DIAPH3: variants seen among roughly 807,000 people sequenced by gnomAD.
The protein encoded by DIAPH3 is protein diaphanous homolog 3.
A neutral mutation model predicts 144.3 loss-of-function variants in DIAPH3; 117 were observed. The ratio of observed to expected loss-of-function variants is 0.81; its 90% confidence interval spans 0.70 to 0.95. The LOEUF is 0.95. Among genes scored for constraint, DIAPH3 ranks in the 40% least tolerant of loss-of-function variants. The probability of loss-of-function intolerance (pLI) is 0.00; values close to 1 mark genes in which losing one functional copy is unlikely to be tolerated. For missense variants in DIAPH3, 1,421 were observed against 1,412.7 expected (o/e 1.01, Z -0.09); for synonymous variants, 519 against 488.9 (o/e 1.06, Z -0.81).
chr13:59,883,079 T>G (rs1388914866), intron 20 of DIAPH3, among the ~76,000 whole-genome samples: 1 of 152,138 alleles, frequency 6.6e-6, no homozygotes, highest in Non-Finnish European at 1.5e-5. Flanking sequence ...AAAAGACCTT[T>G]AGAAAAATCA....
chr13:59,745,358 A>G (rs1354909196), intron 27 of DIAPH3, among the ~76,000 whole-genome samples: 1 of 152,240 alleles, frequency 6.6e-6, no homozygotes, highest in Admixed American at 6.5e-5. Context: ...GTATATCTGG[A>G]GAATGATATT....
intron 27 of DIAPH3, among the ~76,000 whole-genome samples, chr13:59,690,559 G>A (rs1349456520): frequency 6.6e-6 from 1 of 152,152 alleles, no homozygotes; most frequent in East Asian, 1.9e-4. Flanking sequence ...CAACTGCATA[G>A]TGTTACAGCT....
intron 17 of DIAPH3, among the ~76,000 whole-genome samples, chr13:59,953,446 C>A (rs989665325): frequency 1.3e-5 from 2 of 152,126 alleles, no homozygotes; most frequent in African/African-American, 2.4e-5. Context: ...AGGACAGGGG[C>A]AGAATCCAGG....
At chr13:59,826,519 A>G (rs913953686) in intron 24 of DIAPH3, among the ~76,000 whole-genome samples, 56 of 149,978 alleles carry the variant, frequency 3.7e-4, no homozygotes, top group African/African-American at 1.3e-3. Context: ...CCACTGCTCA[A>G]GGAAATAAAA....
chr13:60,006,610 T>C (rs760289819), intron 9 of DIAPH3, among the ~76,000 whole-genome samples: 4 of 149,008 alleles, frequency 2.7e-5, no homozygotes, highest in Non-Finnish European at 6.0e-5. Context: ...AGGAAAGACA[T>C]AAAAAATAGA....
intron 3 of DIAPH3, among the ~76,000 whole-genome samples, chr13:60,103,627 A>C (rs983582240): frequency 3.9e-5 from 6 of 152,248 alleles, no homozygotes; most frequent in Non-Finnish European, 1.5e-5. Flanking sequence ...ATTTATTCCT[A>C]TTAAGTCAAC....
rs948501248 is a variant in DIAPH3, at chr13:59,714,220, C to T, written c.3320-47374G>A. Among the ~76,000 whole-genome samples the T allele has an allele frequency of 4.6e-5, 7 of 151,238 alleles. 1 individual carries two copies. In the South Asian group the frequency reaches 8.5e-4, roughly 18 times the overall value. ...CTAAAAATACAAAAAATTAGCCGGG[C>T]GTAGTGGCGGGCGCCTGTAGTCCCA... is the stretch of plus-strand genomic sequence containing the variant. On this transcript the variant is annotated intron_variant, in intron 27 of 27. Transcript: ENST00000400324.
chr13:59,812,395 A>AG (rs2040533127), intron 24 of DIAPH3, among the ~76,000 whole-genome samples: 1 of 152,114 alleles, frequency 6.6e-6, no homozygotes, highest in Non-Finnish European at 1.5e-5. Flanking sequence ...GGGAGAAAAA[A>AG]AAAGAGAGAG....
rs1952304057 is a variant in DIAPH3 at position 60,161,748 on chromosome 13, T to A, written c.180+1839A>T. Among the ~76,000 whole-genome samples the A allele has an allele frequency of 2.0e-5, 3 of 151,920 alleles. No individual in the cohort carries two copies. In the South Asian group the frequency reaches 6.2e-4, roughly 32 times the overall value. On this transcript the variant is annotated intron_variant, in intron 1 of 27. Coordinates refer to ENST00000400324, the MANE Select transcript of DIAPH3 (RefSeq NM_001042517.2). ...AACAGCAGAACTGTCAAATAAAGAA[T>A]AAGAACAATCAAGTAGGAAATGTCT...
intron 27 of DIAPH3, among the ~76,000 whole-genome samples, chr13:59,744,596 C>G (rs2036616507): frequency 6.6e-6 from 1 of 152,062 alleles, no homozygotes; most frequent in Non-Finnish European, 1.5e-5. Context: ...TCTTCTTCTT[C>G]CAATGTGGCC....
At chr13:60,012,933 T>C (rs2053374375) in intron 7 of DIAPH3, 1 of 912,838 alleles carries the variant, frequency 1.1e-6, no homozygotes, top group African/African-American at 1.8e-5. Context: ...CAATTACTAC[T>C]ACTCAGTATC....
At chr13:59,678,780 A>G (rs1008816215) in intron 27 of DIAPH3, among the ~76,000 whole-genome samples, 2 of 152,240 alleles carry the variant, frequency 1.3e-5, no homozygotes, top group African/African-American at 2.4e-5. Flanking sequence ...ACAAAACTCT[A>G]TATTATTTTT....
intron 17 of DIAPH3, among the ~76,000 whole-genome samples, chr13:59,938,274 T>C (rs562749308): frequency 2.0e-5 from 3 of 152,318 alleles, no homozygotes; most frequent in South Asian, 4.2e-4. Context: ...TATGTTATCT[T>C]ACCTTCTGGC....
At chr13:59,748,115 T>C (rs556198870) in intron 27 of DIAPH3, among the ~76,000 whole-genome samples, 2 of 152,134 alleles carry the variant, frequency 1.3e-5, no homozygotes, top group African/African-American at 4.8e-5. Context: ...TGGAACAACG[T>C]TGGTAGAGTT....
At position 60,042,742 on chromosome 13, in the gene DIAPH3, G is replaced by A; in HGVS notation, c.574C>T (p.Leu192Phe). 1.9e-6 allele frequency: 3 copies of A among 1,613,766 alleles called. No homozygotes were observed. Among genetic ancestry groups the A allele is most frequent in the South Asian group, 2.2e-5 (2 of 91,062 alleles). The stretch of plus-strand genomic sequence containing the variant: ...CGGAGAGACTCCAGGCATGTGACAA[G>A]TCTCTCATCTGCAGACCCCATTTTC... ...ELKMGSADER[L>F]VTCLESLRVS... Residue 192 changes from leucine to phenylalanine, a missense_variant, in exon 5 of 28, where the codon CTT (leucine) becomes TTT (phenylalanine). Coordinates refer to ENST00000400324, the MANE Select transcript of DIAPH3 (RefSeq NM_001042517.2).
At chr13:59,925,960 T>G (rs2047731879) in intron 17 of DIAPH3, among the ~76,000 whole-genome samples, 1 of 152,128 alleles carries the variant, frequency 6.6e-6, no homozygotes, top group Non-Finnish European at 1.5e-5. Context: ...ATAAAACAAC[T>G]TTTCATTTGT....
intron 5 of DIAPH3, among the ~76,000 whole-genome samples, chr13:60,030,220 T>C (rs1388772229): frequency 6.6e-6 from 1 of 152,202 alleles, no homozygotes; most frequent in African/African-American, 2.4e-5. Flanking sequence ...TATATGCTTC[T>C]CTTTTACTGT....
intron 4 of DIAPH3, among the ~76,000 whole-genome samples, chr13:60,087,927 G>A (rs537031970): frequency 1.3e-5 from 2 of 152,310 alleles, no homozygotes; most frequent in Admixed American, 6.5e-5. Context: ...CCAATGATAC[G>A]TGGATAAGGG....
chr13:59,713,414 A>G (rs2034857903), intron 27 of DIAPH3, among the ~76,000 whole-genome samples: 1 of 152,164 alleles, frequency 6.6e-6, no homozygotes, highest in Non-Finnish European at 1.5e-5. Context: ...ATGTGTCTGT[A>G]AACATCTTAC....
Sources: allele counts gnomAD v4.1 joint callset (sites outside exome capture counted in the v4.1 genomes callset), GRCh38; gene constraint gnomAD v4.1.1; transcripts MANE v1.5; gene names NCBI Gene and HGNC (gene_info 2026-07-23, HGNC 2026-07-21).